UACA: variants seen among roughly 807,000 people sequenced by gnomAD.
The protein encoded by UACA is uveal autoantigen with coiled-coil domains and ankyrin repeats.
Under a neutral mutation model 160.5 loss-of-function variants are expected in UACA, and 112 were observed. The ratio of observed to expected loss-of-function variants is 0.70; its 90% CI spans 0.60 to 0.82. UACA has a LOEUF of 0.82. UACA is among the 40% of genes least tolerant of loss of function. UACA has a pLI of 0.00. For missense variants in UACA, 1,574 were observed against 1,614.6 expected, an observed-to-expected ratio of 0.97 and a Z score of 0.43; for synonymous variants, 557 against 568.4, an observed-to-expected ratio of 0.98 and a Z score of 0.29.
chr15:70,667,734 T>C lies in UACA; in HGVS notation c.2950A>G (p.Lys984Glu). Reference protein sequence around the residue: ...LDTIQECIKVKYAPIVSFEEC... With the variant: ...LDTIQECIKVEYAPIVSFEEC... Reference sequence around the variant, plus strand: ...TCAAAGCTGACAATTGGGGCGTATTTTACCTTAATGCATTCTTGTATTGTG... The same window carrying C: ...TCAAAGCTGACAATTGGGGCGTATTCTACCTTAATGCATTCTTGTATTGTG... The change falls in exon 16 of 19, where the codon AAA becomes GAA. Residue 984 changes from lysine (K) to glutamate (E), a missense_variant. Physicochemically the swap from Lys to Glu is moderately conservative, Grantham distance 56 (BLOSUM62 1). Coordinates refer to ENST00000322954, the MANE Select transcript of UACA (RefSeq NM_018003.4). 6.2e-7 allele frequency: 1 copy of C among 1,614,104 alleles called. No homozygotes were observed. Among genetic ancestry groups the C allele is most frequent in the Admixed American group, 1.7e-5 (1 of 59,996 alleles).
intron 18 of UACA, among the ~76,000 whole-genome samples, chr15:70,659,148 A>C (rs996992467): frequency 1.3e-5 from 2 of 152,078 alleles, no homozygotes; most frequent in African/African-American, 4.8e-5. Context: ...AATAAACTTT[A>C]AGATTCTAGT....
intron 1 of UACA, among the ~76,000 whole-genome samples, chr15:70,760,099 T>G (rs2030655734): frequency 6.6e-6 from 1 of 152,098 alleles, no homozygotes; most frequent in Admixed American, 6.5e-5. Context: ...GCAAAGTAAA[T>G]AGTGACTATT....
At chr15:70,719,490 A>G (rs1898927083) in intron 1 of UACA, among the ~76,000 whole-genome samples, 1 of 152,188 alleles carries the variant, frequency 6.6e-6, no homozygotes, top group Admixed American at 6.5e-5. Context: ...CCAAAATAAA[A>G]TGCACATCTC....
intron 1 of UACA, chr15:70,702,358 C>G (rs1898397193): frequency 2.0e-6 from 2 of 979,328 alleles, no homozygotes; most frequent in Non-Finnish European, 2.4e-6. Context: ...AGCCTGTCTC[C>G]CATTGGTTGA....
chr15:70,657,690 C>T lies in UACA; in HGVS notation c.4180-563G>A, dbSNP rs145930526. On this transcript the variant is annotated intron_variant, in intron 18 of 18. Coordinates refer to ENST00000322954, the MANE Select transcript of UACA (RefSeq NM_018003.4). ...CCTCTTTCTCTTTTTTAATAACAGC[C>T]TTGGATGATAGGGGCAGCATAAGTT... 2.9e-3 allele frequency among the ~76,000 whole-genome samples: 444 copies of T among 152,174 alleles called. 4 individuals carry two copies. Among genetic ancestry groups the T allele is most frequent in the African/African-American group, 0.01 (421 of 41,514 alleles).
chr15:70,696,743 C>T (rs564251059), intron 2 of UACA, among the ~76,000 whole-genome samples: 1 of 152,278 alleles, frequency 6.6e-6, no homozygotes, highest in Admixed American at 6.5e-5. Flanking sequence ...ACCATTAGAA[C>T]CTTTTGAAGA....
At chr15:70,765,344 A>C (rs541224180), upstream of UACA, among the ~76,000 whole-genome samples, 1 of 152,326 alleles carries the variant, frequency 6.6e-6, no homozygotes, top group East Asian at 1.9e-4. Flanking sequence ...TGAAAATTCA[A>C]TGAGCCTGTA....
chr15:70,674,738 C>T (rs1897255299), intron 13 of UACA, among the ~76,000 whole-genome samples: 2 of 152,148 alleles, frequency 1.3e-5, no homozygotes, highest in South Asian at 4.1e-4. Context: ...GCTGGTATTA[C>T]AGGCATGTGC....
At position 70,738,240 on chromosome 15, in the gene UACA, T is replaced by A. The variant is rs574952185; in HGVS notation, c.78+25090A>T. 3.3e-5 allele frequency among the ~76,000 whole-genome samples: 5 copies of A among 151,988 alleles called. No homozygotes were observed. The East Asian group carries it at 9.7e-4, about 30-fold the overall frequency. On this transcript the variant is annotated intron_variant, in intron 1 of 18. Transcript: ENST00000322954. ...TTCCGGTTTCTGCATCCTGGACTAT[T>A]ATAATAATCTATTAATTGGTCTCCC...
At chr15:70,778,259 A>G in the UACA span, among the ~76,000 whole-genome samples, 2 of 152,228 alleles carry the variant, frequency 1.3e-5, no homozygotes, top group East Asian at 1.9e-4. Flanking sequence ...TTACATGCCC[A>G]TAGGCTAACC....
At chr15:70,664,618 G>A in intron 17 of UACA, 44 bp downstream of exon 17, 5 of 1,576,222 alleles carry the variant, frequency 3.2e-6, no homozygotes, top group Non-Finnish European at 4.3e-6. Flanking sequence ...ACTACAGGGA[G>A]CCAGCACATA....
the UACA span, among the ~76,000 whole-genome samples, chr15:70,778,200 C>CA: frequency 0.01 from 1,309 of 128,440 alleles, 15 homozygotes; most frequent in African/African-American, 0.031. Flanking sequence ...GACCTGGTCT[C>CA]AAAAAAAAAA....
chr15:70,703,819 C>T (rs904161693), intron 1 of UACA, among the ~76,000 whole-genome samples: 1 of 152,114 alleles, frequency 6.6e-6, no homozygotes, highest in Non-Finnish European at 1.5e-5. Context: ...ATAGCTATTT[C>T]CCAAGAGCCC....
intron 5 of UACA, among the ~76,000 whole-genome samples, chr15:70,688,587 C>T (rs1317981162): frequency 6.6e-6 from 1 of 151,962 alleles, no homozygotes; most frequent in Admixed American, 6.6e-5. Flanking sequence ...TAAAATGTAT[C>T]ATCAGCTTTA....
intron 1 of UACA, among the ~76,000 whole-genome samples, chr15:70,749,560 G>C (rs1220631395): frequency 6.6e-6 from 1 of 151,038 alleles, no homozygotes; most frequent in Non-Finnish European, 1.5e-5. Context: ...TTAGCCAGGC[G>C]TAGTGGTGGG....
At chr15:70,769,478 TGGGAAA>T in the UACA span, among the ~76,000 whole-genome samples, 1 of 151,524 alleles carries the variant, frequency 6.6e-6, no homozygotes, top group Non-Finnish European at 1.5e-5. Flanking sequence ...GTTTCAGTTA[TGGGAAA>T]GGGAAAGGGA....
In UACA at chr15:70,750,831, C is replaced by CA. The variant is rs908176519; in HGVS notation, c.78+12498dup. On this transcript the variant is annotated intron_variant, in intron 1 of 18. Transcript: ENST00000322954. ...TGAGTGACAGAGCAAGGTCCGGTCT[C>CA]AAAAAAAAAGGTCACCCTGCAGATT... Among the ~76,000 whole-genome samples the CA allele has an allele frequency of 5.3e-5, 8 of 150,534 alleles. No individual in the cohort carries two copies. The South Asian group carries it at 8.4e-4, about 16-fold the overall frequency.
chr15:70,700,759 A>C, intron 1 of UACA, among the ~76,000 whole-genome samples: 1 of 152,030 alleles, frequency 6.6e-6, no homozygotes, highest in Admixed American at 6.6e-5. Flanking sequence ...TTAGCCTTTT[A>C]AAATATTATA....
At chr15:70,671,199 G>A (rs1303008056) in intron 14 of UACA, 108 bp from the exon 15 acceptor site, 1 of 757,270 alleles carries the variant, frequency 1.3e-6, no homozygotes, top group East Asian at 2.8e-5. Context: ...AGAGAAGCAA[G>A]AGGTACAACA....
Sources: gnomAD v4.1 joint callset for allele counts (sites outside exome capture counted in the v4.1 genomes callset) on GRCh38, gnomAD v4.1.1 for gene constraint, MANE v1.5 for transcripts, NCBI Gene and HGNC (gene_info 2026-07-23, HGNC 2026-07-21) for gene names.